CDC42SE2: variants seen among roughly 807,000 people sequenced by gnomAD.
CDC42SE2 encodes CDC42 small effector 2, also known as CDC42 small effector protein 2.
A neutral mutation model predicts 11.5 loss-of-function variants in CDC42SE2; 3 were observed. The observed-to-expected ratio is 0.26, with a 90% confidence interval of 0.12 to 0.67. The LOEUF is 0.67. Ranked by LOEUF, CDC42SE2 falls within the 30% of genes least tolerant of loss-of-function variation. The pLI is 0.80. For synonymous variants in CDC42SE2, 33 were observed against 34.8 expected, an observed-to-expected ratio of 0.95 and a Z score of 0.18; for missense variants, 82 against 106.8, an observed-to-expected ratio of 0.77 and a Z score of 1.02.
rs148075630 is a variant in CDC42SE2, at chr5:131,304,749, G to A, written c.-454-11227G>A. Among the ~76,000 whole-genome samples the A allele has an allele frequency of 5.9e-5, 9 of 152,182 alleles. No individual in the cohort carries two copies. The East Asian group carries it at 1.7e-3, about 29-fold the overall frequency. ...TTAGTAATCGTGTTTCTGATCCTTAGCATTGAGATATACTTTTGGAAGAGC... is the reference window on the plus strand; with the variant it reads ...TTAGTAATCGTGTTTCTGATCCTTAACATTGAGATATACTTTTGGAAGAGC... On this transcript the variant is annotated intron_variant, in intron 1 of 4. Coordinates refer to ENST00000505065, the MANE Select transcript of CDC42SE2 (RefSeq NM_001375635.1).
the CDC42SE2 span, among the ~76,000 whole-genome samples, chr5:131,216,588 C>A: frequency 2.6e-5 from 4 of 151,042 alleles, no homozygotes; most frequent in African/African-American, 9.8e-5. Flanking sequence ...CAGAAAGAGG[C>A]CATTGACACA....
rs1357108853 is a variant in CDC42SE2 at position 131,392,779 on chromosome 5, T to C, written c.*1688T>C. The C allele has an allele frequency of 2.0e-5, 3 of 152,512 alleles. No individual in the cohort carries two copies. In the East Asian group the frequency reaches 5.6e-4, roughly 29 times the overall value. The allele number at this position is 152,512 out of a possible 1,614,324, so 9.4% of individuals were successfully genotyped here. On this transcript the variant is annotated 3_prime_UTR_variant, in exon 5 of 5. Coordinates refer to ENST00000505065, the MANE Select transcript of CDC42SE2 (RefSeq NM_001375635.1). Reference sequence around the variant, plus strand: ...TTATTTTTACTTCTTTTTAATGTTATGGTATCCAGTTGTTTCCAGTAGCAG... The same window carrying C: ...TTATTTTTACTTCTTTTTAATGTTACGGTATCCAGTTGTTTCCAGTAGCAG...
intron 2 of CDC42SE2, among the ~76,000 whole-genome samples, chr5:131,322,315 C>A (rs1758209051): frequency 1.3e-5 from 2 of 152,256 alleles, no homozygotes; most frequent in Non-Finnish European, 2.9e-5. Flanking sequence ...CATTAGATAA[C>A]AAATTTTCAT....
At chr5:131,309,029 T>C (rs1277401955) in intron 1 of CDC42SE2, among the ~76,000 whole-genome samples, 1 of 151,102 alleles carries the variant, frequency 6.6e-6, no homozygotes, top group African/African-American at 2.4e-5. Context: ...GTGCCAGTTT[T>C]CAAAGGGAAT....
intron 1 of CDC42SE2, among the ~76,000 whole-genome samples, chr5:131,246,888 CAT>C (rs1756598237): frequency 2.6e-5 from 4 of 151,148 alleles, no homozygotes; most frequent in Non-Finnish European, 5.9e-5. Context: ...GGACTACAGG[CAT>C]GTGCCACCAT....
At chr5:131,255,322 C>T (rs1403795966) in intron 2 of CDC42SE2, 1 of 151,714 alleles carries the variant, frequency 6.6e-6, no homozygotes, top group Non-Finnish European at 1.5e-5. Context: ...GTTGAAATGA[C>T]AATATTTTAA....
chr5:131,221,082 C>T, the CDC42SE2 span, among the ~76,000 whole-genome samples: 2 of 151,980 alleles, frequency 1.3e-5, no homozygotes, highest in African/African-American at 2.4e-5. Flanking sequence ...GATGGGGTTT[C>T]ACCATGTTGA....
intron 4 of CDC42SE2, among the ~76,000 whole-genome samples, chr5:131,390,616 A>C (rs1204077014): frequency 6.6e-6 from 1 of 152,150 alleles, no homozygotes; most frequent in East Asian, 1.9e-4. Flanking sequence ...TGGAGGTTGC[A>C]GTGAGCTGAG....
intron 4 of CDC42SE2, among the ~76,000 whole-genome samples, chr5:131,390,324 T>TAAGTA (rs1364321547): frequency 2.0e-5 from 3 of 152,220 alleles, no homozygotes; most frequent in African/African-American, 7.2e-5. Context: ...GATTCTTTAC[T>TAAGTA]AAGTAATTGA....
intron 1 of CDC42SE2, among the ~76,000 whole-genome samples, chr5:131,268,748 G>A (rs927710158): frequency 2.1e-5 from 3 of 140,994 alleles, no homozygotes; most frequent in Non-Finnish European, 3.0e-5. Flanking sequence ...CACCACACCC[G>A]GATTGCTTTT....
intron 1 of CDC42SE2, among the ~76,000 whole-genome samples, chr5:131,301,336 T>A (rs1757673949): frequency 6.6e-6 from 1 of 152,174 alleles, no homozygotes; most frequent in Non-Finnish European, 1.5e-5. Context: ...AATTATTGAA[T>A]GTTCCCAACA....
At chr5:131,364,828 ATGTGCAAGTGATGG>A (rs1749807285) in intron 3 of CDC42SE2, among the ~76,000 whole-genome samples, 1 of 152,192 alleles carries the variant, frequency 6.6e-6, no homozygotes, top group Non-Finnish European at 1.5e-5. Context: ...GCATGAGGAT[ATGTGCAAGTGATGG>A]TGCTGGAGTT....
At chr5:131,304,921 A>G (rs987746138) in intron 1 of CDC42SE2, among the ~76,000 whole-genome samples, 21 of 152,192 alleles carry the variant, frequency 1.4e-4, no homozygotes, top group African/African-American at 5.1e-4. Context: ...TCAGCTTGAT[A>G]AATTTTGGCA....
chr5:131,323,260 G>A lies in CDC42SE2; in HGVS notation c.-286+7116G>A, dbSNP rs574486680. On this transcript the variant is annotated intron_variant, in intron 2 of 4. Coordinates refer to ENST00000505065, the MANE Select transcript of CDC42SE2 (RefSeq NM_001375635.1). ...AGTGTCATCTCAAACTCCTGGGCTC[G>A]AGCAATCCTTCCACCTTGGCATTCA... Among the ~76,000 whole-genome samples the A allele has an allele frequency of 4.0e-5, 6 of 151,288 alleles. No individual in the cohort carries two copies. The East Asian group carries it at 7.8e-4, about 20-fold the overall frequency.
chr5:131,307,069 T>G (rs953317315), intron 1 of CDC42SE2, among the ~76,000 whole-genome samples: 3 of 152,006 alleles, frequency 2.0e-5, no homozygotes, highest in Non-Finnish European at 2.9e-5. Context: ...TTTTTAATTT[T>G]TTTATTATTA....
intron 3 of CDC42SE2, among the ~76,000 whole-genome samples, chr5:131,380,175 T>C (rs535692253): frequency 6.6e-6 from 1 of 152,278 alleles, no homozygotes; most frequent in African/African-American, 2.4e-5. Context: ...GTAAGTTCTT[T>C]AGTGGTGATT....
chr5:131,260,494 G>A (rs750569085), upstream of CDC42SE2, among the ~76,000 whole-genome samples: 8 of 151,326 alleles, frequency 5.3e-5, no homozygotes, highest in Non-Finnish European at 1.2e-4. Flanking sequence ...GTGGTGGTGG[G>A]CGCCTGTAAT....
At chr5:131,340,965 C>T (rs1402256555) in intron 2 of CDC42SE2, among the ~76,000 whole-genome samples, 1 of 152,128 alleles carries the variant, frequency 6.6e-6, no homozygotes, top group African/African-American at 2.4e-5. Flanking sequence ...GCACGAACCA[C>T]CATGCGTGGC....
At chr5:131,345,422 A>G (rs1440048721) in intron 2 of CDC42SE2, among the ~76,000 whole-genome samples, 1 of 152,140 alleles carries the variant, frequency 6.6e-6, no homozygotes, top group Non-Finnish European at 1.5e-5. Flanking sequence ...AGATCAAATG[A>G]ATGAAATGAA....
Sources: allele counts gnomAD v4.1 joint callset (sites outside exome capture counted in the v4.1 genomes callset), GRCh38; gene constraint gnomAD v4.1.1; transcripts MANE v1.5; gene names NCBI Gene and HGNC (gene_info 2026-07-23, HGNC 2026-07-21).